TTC34: variants seen among roughly 807,000 people sequenced by gnomAD.
TTC34 encodes the protein tetratricopeptide repeat domain 34, also known as tetratricopeptide repeat protein 34.
In TTC34, 44 loss-of-function variants were observed where a neutral mutation model predicts 40.7. The ratio of observed to expected loss-of-function variants is 1.08; its 90% confidence interval spans 0.85 to 1.39. The LOEUF is 1.39. Among genes scored for constraint, TTC34 ranks in the 40% most tolerant of loss-of-function variants. The probability of loss-of-function intolerance (pLI) is 0.00; values close to 1 mark genes in which losing one functional copy is unlikely to be tolerated. For synonymous variants in TTC34, 422 were observed against 398.6 expected (o/e 1.06, Z -0.70); for missense variants, 884 against 838.0 (o/e 1.05, Z -0.68).
In TTC34 at chr1:2,790,358, AAC is replaced by A. The variant is rs1308614186; in HGVS notation, c.785-14_785-13del. On this transcript the variant is annotated splice_polypyrimidine_tract_variant and intron_variant, in intron 2 of 8. Coordinates refer to ENST00000401095, the Ensembl canonical transcript of TTC34. The stretch of plus-strand genomic sequence containing the variant: ...GGCTCGGCGCTCACCTGCGGAGAGA[AAC>A]AGAGGCGTGGGTTCTGCCTGGGGGG... The A allele has an allele frequency of 5.0e-6, 2 of 398,366 alleles. No individual in the cohort carries two copies. Among genetic ancestry groups the A allele is most frequent in the Non-Finnish European group, 8.8e-6 (2 of 225,992 alleles). The allele number at this position is 398,366 out of a possible 1,614,324, so 24.7% of individuals were successfully genotyped here.
intron 6 of TTC34, among the ~76,000 whole-genome samples, chr1:2,695,135 C>G (rs558715965): frequency 9.0e-5 from 10 of 111,678 alleles, no homozygotes; most frequent in Admixed American, 8.9e-4. Context: ...CATCTGACAG[C>G]GTGGAACAGC....
chr1:2,660,208 ATC>A (rs1639492534), intron 6 of TTC34, among the ~76,000 whole-genome samples: 2 of 36,018 alleles, frequency 5.6e-5, no homozygotes, highest in African/African-American at 9.0e-5. Flanking sequence ...AGCATCTGAC[ATC>A]GTGGAGCAGC....
At position 2,687,029 on chromosome 1, in the gene TTC34, G is replaced by C. The variant is rs370158708; in HGVS notation, c.2227-41466C>G. 6.5e-4 allele frequency among the ~76,000 whole-genome samples: 97 copies of C among 149,492 alleles called. No homozygotes were observed. The East Asian group carries it at 0.014, about 21-fold the overall frequency. ...CCCCAGGTGAGCATTCGACAGCCTG[G>C]AGCAGCACCCACAACCCCAGGCGTG... On this transcript the variant is annotated intron_variant, in intron 6 of 8. Transcript: ENST00000401095.
chr1:2,778,796 C>T (rs866956333), intron 6 of TTC34, among the ~76,000 whole-genome samples: 14 of 152,084 alleles, frequency 9.2e-5, no homozygotes, highest in African/African-American at 2.2e-4. Context: ...TTTATGTGTA[C>T]GGTGTGGTGG....
At chr1:2,786,796 A>C (rs1245459724) in intron 4 of TTC34, among the ~76,000 whole-genome samples, 1 of 152,154 alleles carries the variant, frequency 6.6e-6, no homozygotes, top group East Asian at 1.9e-4. Flanking sequence ...AAGGAGGCCC[A>C]ATGCTGCCCC....
At chr1:2,758,116 C>A (rs1419431301) in intron 6 of TTC34, among the ~76,000 whole-genome samples, 31 of 131,004 alleles carry the variant, frequency 2.4e-4, no homozygotes, top group East Asian at 4.6e-4. Context: ...ACCCACACAC[C>A]CAGGTGAGCA....
chr1:2,644,537 C>G (rs1315661798), intron 7 of TTC34, 59 bp from the exon 8 acceptor site: 1 of 1,458,698 alleles, frequency 6.9e-7, no homozygotes, highest in African/African-American at 1.4e-5. Context: ...TGCGAGAGAG[C>G]TGAGACTCGC....
At chr1:2,695,715 C>G (rs796988249) in intron 6 of TTC34, among the ~76,000 whole-genome samples, 1 of 56,154 alleles carries the variant, frequency 1.8e-5, no homozygotes, top group Non-Finnish European at 4.1e-5. Context: ...AGCACCCACA[C>G]CCCCAGGTGA....
At chr1:2,651,328 T>G (rs1639128032) in intron 6 of TTC34, among the ~76,000 whole-genome samples, 1 of 152,030 alleles carries the variant, frequency 6.6e-6, no homozygotes, top group Non-Finnish European at 1.5e-5. Context: ...CAGGTGAGCA[T>G]CTGACAGCAT....
At chr1:2,648,397 A>G (rs1639061464) in intron 6 of TTC34, among the ~76,000 whole-genome samples, 1 of 152,198 alleles carries the variant, frequency 6.6e-6, no homozygotes, top group Admixed American at 6.5e-5. Flanking sequence ...CTAAAGTACA[A>G]TCTTAATTTT....
intron 6 of TTC34, among the ~76,000 whole-genome samples, chr1:2,647,089 CT>C (rs1200029487): frequency 2.0e-5 from 3 of 151,216 alleles, no homozygotes. Flanking sequence ...TTCTCTTTAT[CT>C]TTTTTTTTCA....
chr1:2,641,380 G>C (rs956990777), exon 9 of TTC34: 2 of 1,514,542 alleles, frequency 1.3e-6, no homozygotes, highest in African/African-American at 2.8e-5. Flanking sequence ...ACTGTAGCCA[G>C]CAGCCTGAGG....
chr1:2,648,742 C>T (rs940483860), intron 6 of TTC34, among the ~76,000 whole-genome samples: 11 of 150,746 alleles, frequency 7.3e-5, no homozygotes, highest in East Asian at 2.0e-4. Flanking sequence ...GGAACAGCAC[C>T]GCACACTCCC....
At chr1:2,753,460 C>T (rs1168731616) in intron 6 of TTC34, among the ~76,000 whole-genome samples, 3 of 25,822 alleles carry the variant, frequency 1.2e-4, no homozygotes, top group Admixed American at 4.0e-4. Context: ...CCTGCACCCC[C>T]AGGTGTGCAC....
chr1:2,652,460 C>G (rs1163976924), intron 6 of TTC34, among the ~76,000 whole-genome samples: 3 of 67,824 alleles, frequency 4.4e-5, no homozygotes, highest in Non-Finnish European at 3.2e-5. Flanking sequence ...GGTGAGCATC[C>G]GACAGCCTGG....
At chr1:2,685,821 C>G (rs1357003353) in intron 6 of TTC34, among the ~76,000 whole-genome samples, 1 of 140,950 alleles carries the variant, frequency 7.1e-6, no homozygotes, top group African/African-American at 2.6e-5. Context: ...ATCTGACAGA[C>G]TGGAACGGCA....
exon 9 of TTC34, chr1:2,638,318 G>A (rs1310064986): frequency 6.6e-6 from 1 of 152,120 alleles, no homozygotes; most frequent in South Asian, 2.1e-4. Context: ...CAGCTGGACC[G>A]GCTTGGCTTT....
intron 6 of TTC34, among the ~76,000 whole-genome samples, chr1:2,676,928 C>G (rs1639924928): frequency 1.4e-5 from 2 of 145,546 alleles, no homozygotes; most frequent in Non-Finnish European, 3.0e-5. Flanking sequence ...GCACCCACAC[C>G]CCCAGGTGAG....
chr1:2,794,823 GT>G (rs1266592641), intron 2 of TTC34, among the ~76,000 whole-genome samples: 1 of 152,028 alleles, frequency 6.6e-6, no homozygotes, highest in African/African-American at 2.4e-5. Context: ...TTATAAAACA[GT>G]TTTTCTGAAT....
Sources: allele counts gnomAD v4.1 joint callset (sites outside exome capture counted in the v4.1 genomes callset), GRCh38; gene constraint gnomAD v4.1.1; transcripts MANE v1.5; gene names NCBI Gene and HGNC (gene_info 2026-07-23, HGNC 2026-07-21).